Variants in TTC34 observed in about 807,000 individuals in gnomAD.
The protein encoded by TTC34 is tetratricopeptide repeat protein 34.
Under a neutral mutation model 40.7 loss-of-function variants are expected in TTC34, and 44 were observed. The observed-to-expected ratio is 1.08, with a 90% CI of 0.85 to 1.39. The LOEUF is 1.39. Ranked by LOEUF, TTC34 falls within the 40% of genes most tolerant of loss-of-function variation. TTC34 has a pLI of 0.00. For synonymous variants in TTC34, 422 were observed against 398.6 expected (o/e 1.06, Z -0.70); for missense variants, 884 against 838.0 (o/e 1.05, Z -0.68).
chr1:2,757,789 C>A (rs1394756465), intron 6 of TTC34, among the ~76,000 whole-genome samples: 608 of 146,386 alleles, frequency 4.2e-3, no homozygotes, highest in African/African-American at 0.015. Context: ...GCAGCACCCA[C>A]ACCTTCCGGC....
In TTC34 at chr1:2,796,960, A is replaced by G. The variant is rs1045700986; in HGVS notation, c.784+3084T>C. ...TCCTCTCCTTACGGACATTGTGGCCACTCTCAGGGCTGCCTACCTGTCTTT... is the reference window on the plus strand; with the variant it reads ...TCCTCTCCTTACGGACATTGTGGCCGCTCTCAGGGCTGCCTACCTGTCTTT... On this transcript the variant is annotated intron_variant, in intron 2 of 8. Transcript: ENST00000401095. This position sits in a 1 kb window ranked among gnomAD's most constrained non-coding sequence, Gnocchi z 4.5. Among the ~76,000 whole-genome samples, 1 of 151,460 alleles carries G rather than the reference A, an allele frequency of 6.6e-6. No individual in the cohort carries two copies. The highest frequency in any genetic ancestry group is 2.4e-5 in the African/African-American group (1 of 41,158).
intron 6 of TTC34, among the ~76,000 whole-genome samples, chr1:2,648,458 A>C (rs1255457566): frequency 6.6e-6 from 1 of 152,156 alleles, no homozygotes; most frequent in East Asian, 1.9e-4. Context: ...TGTTCAGAAA[A>C]GCCTCTCTGC....
chr1:2,685,216 ACATCG>A (rs1640275372), intron 6 of TTC34, among the ~76,000 whole-genome samples: 1 of 135,878 alleles, frequency 7.4e-6, no homozygotes, highest in African/African-American at 2.9e-5. Context: ...TGAGCATCTG[ACATCG>A]TGGAGCAGCA....
At chr1:2,687,930 C>G (rs1462500639) in intron 6 of TTC34, among the ~76,000 whole-genome samples, 5 of 137,060 alleles carry the variant, frequency 3.6e-5, no homozygotes, top group East Asian at 2.2e-4. Flanking sequence ...CCCACACGCC[C>G]AGGTGAGCCT....
At chr1:2,698,339 T>C (rs1345163309) in intron 6 of TTC34, among the ~76,000 whole-genome samples, 1 of 56,600 alleles carries the variant, frequency 1.8e-5, no homozygotes, top group African/African-American at 4.9e-5. Context: ...CAGGCGAGCA[T>C]CTGACGTCCT....
chr1:2,655,711 A>T (rs4648671), intron 6 of TTC34, among the ~76,000 whole-genome samples: 1 of 145,894 alleles, frequency 6.9e-6, no homozygotes, highest in African/African-American at 2.5e-5. Context: ...GTGAGCATCC[A>T]AAAGCCTGGA....
intron 6 of TTC34, among the ~76,000 whole-genome samples, chr1:2,685,052 C>G (rs1387980419): frequency 2.1e-5 from 3 of 145,710 alleles, no homozygotes; most frequent in Non-Finnish European, 3.0e-5. Context: ...AGGTGAGCAT[C>G]TGACAGCCTG....
In TTC34 at chr1:2,645,713, T is replaced by G. The variant is rs1639009099; in HGVS notation, c.2227-150A>C. ...GTCTGAACACCCAGCTTCCTGCCCC[T>G]TCCTGCTTCTCTGTGGCTGCAGCCT... On this transcript the variant is annotated intron_variant, in intron 6 of 8. Transcript: ENST00000401095. The surrounding 1 kb of genome is among the most constrained non-coding windows in gnomAD (Gnocchi z 4.7). The G allele has an allele frequency of 4.0e-6, 3 of 743,794 alleles. No individual in the cohort carries two copies. In the South Asian group the frequency reaches 1.1e-4, roughly 27 times the overall value. The allele number at this position is 743,794 out of a possible 1,614,324, so 46.1% of individuals were successfully genotyped here.
intron 6 of TTC34, among the ~76,000 whole-genome samples, chr1:2,759,696 A>C (rs1244423587): frequency 2.1e-3 from 234 of 112,296 alleles, no homozygotes; most frequent in African/African-American, 5.4e-3. Flanking sequence ...CTTGCATCCG[A>C]CAGCCTGGAG....
chr1:2,655,280 A>G (rs1316770591), intron 6 of TTC34, among the ~76,000 whole-genome samples: 1 of 82,356 alleles, frequency 1.2e-5, no homozygotes, highest in African/African-American at 4.3e-5. Flanking sequence ...ACAGCCTGCA[A>G]CAGCTCTCAC....
At chr1:2,666,148 CA>C (rs1639645193) in intron 6 of TTC34, among the ~76,000 whole-genome samples, 1 of 123,158 alleles carries the variant, frequency 8.1e-6, no homozygotes, top group South Asian at 2.7e-4. Flanking sequence ...GAGCATCTGA[CA>C]GCCTGGAACA....
chr1:2,753,120 GAAC>G (rs1641381203), intron 6 of TTC34, among the ~76,000 whole-genome samples: 2 of 125,512 alleles, frequency 1.6e-5, no homozygotes, highest in African/African-American at 3.3e-5. Context: ...CGACAGCCTG[GAAC>G]AGCACCAAAA....
chr1:2,675,488 GT>G (rs1462583386), intron 6 of TTC34, among the ~76,000 whole-genome samples: 15 of 111,438 alleles, frequency 1.3e-4, no homozygotes, highest in South Asian at 2.7e-4. Flanking sequence ...ACACTCCCAG[GT>G]GAGCATCTGA....
chr1:2,756,040 T>C (rs1641494542), intron 6 of TTC34, among the ~76,000 whole-genome samples: 9 of 80,482 alleles, frequency 1.1e-4, no homozygotes, highest in South Asian at 5.4e-4. Context: ...GGCGAGCATC[T>C]GACAACCTGG....
chr1:2,790,677 C>G (rs1643653397), intron 2 of TTC34, among the ~76,000 whole-genome samples: 1 of 152,262 alleles, frequency 6.6e-6, no homozygotes, highest in Admixed American at 6.5e-5. Flanking sequence ...AATTCAGTTA[C>G]AACGCCTTTC....
Position 2,751,243 on chromosome 1 carries a change from C to A in TTC34, c.2226+32366G>T, listed in dbSNP as rs1251399251. ...GCATCTGACAGCCTGGAGCAGCAGG[C>A]ACACCCCCAGTGAGCATCCGACAGC... On this transcript the variant is annotated intron_variant, in intron 6 of 8. Coordinates refer to ENST00000401095, the Ensembl canonical transcript of TTC34. Among the ~76,000 whole-genome samples, 2 of 99,608 alleles carry A rather than the reference C, an allele frequency of 2.0e-5. 1 individual carries two copies. The highest frequency in any genetic ancestry group is 9.7e-5 in the African/African-American group (2 of 20,548). The allele number at this position is 99,608 out of a possible 152,430, so 65.3% of individuals were successfully genotyped here.
intron 6 of TTC34, among the ~76,000 whole-genome samples, chr1:2,778,482 G>T (rs1035522480): frequency 6.6e-6 from 1 of 152,222 alleles, no homozygotes; most frequent in East Asian, 1.9e-4. Context: ...GACAGCTCAG[G>T]CTAGTACCCA....
chr1:2,757,737 T>G (rs1395264284), intron 6 of TTC34, among the ~76,000 whole-genome samples: 37 of 103,534 alleles, frequency 3.6e-4, no homozygotes, highest in African/African-American at 8.5e-4. Context: ...TGACAGCCTG[T>G]AACAGTACCC....
intron 6 of TTC34, among the ~76,000 whole-genome samples, chr1:2,654,035 G>C (rs1228580088): frequency 6.6e-6 from 1 of 151,862 alleles, no homozygotes; most frequent in Admixed American, 6.5e-5. Flanking sequence ...TGACAGCCTG[G>C]AGCAGTGCCC....
Sources: gnomAD v4.1 joint callset for allele counts (sites outside exome capture counted in the v4.1 genomes callset) on GRCh38, gnomAD v4.1.1 for gene constraint, Gnocchi (gnomAD v3.1) non-coding constraint, MANE v1.5 for transcripts, NCBI Gene and HGNC (gene_info 2026-07-23, HGNC 2026-07-21) for gene names.